Variants in PSMD9 observed in about 807,000 individuals in gnomAD.
The protein encoded by PSMD9 is proteasome 26S subunit, non-ATPase 9, also known as 26S proteasome non-ATPase regulatory subunit 9.
A neutral mutation model predicts 25.9 loss-of-function variants in PSMD9; 26 were observed. The observed-to-expected ratio is 1.00, with a 90% CI of 0.73 to 1.39. The LOEUF is 1.39. PSMD9 is among the 40% of genes most tolerant of loss of function. The pLI, the probability that PSMD9 is intolerant of heterozygous loss-of-function variation, is 0.00. For missense variants in PSMD9, 303 were observed against 299.3 expected (o/e 1.01, Z -0.09); for synonymous variants, 110 against 114.5 (o/e 0.96, Z 0.25).
At chr12:121,909,473 C>T (rs1346956869) in intron 4 of PSMD9, among the ~76,000 whole-genome samples, 2 of 151,848 alleles carry the variant, frequency 1.3e-5, no homozygotes, top group Non-Finnish European at 2.9e-5. Context: ...ACCACCACAC[C>T]TGGCTAATTT....
chr12:121,904,932 ATTT>A (rs1172905609), intron 4 of PSMD9, among the ~76,000 whole-genome samples: 2 of 151,448 alleles, frequency 1.3e-5, no homozygotes, highest in Non-Finnish European at 2.9e-5. Flanking sequence ...CGCCTGGTCT[ATTT>A]TTATTATTTT....
chr12:121,901,714 C>T (rs12827452), intron 3 of PSMD9, among the ~76,000 whole-genome samples: 47,591 of 126,310 alleles, frequency 0.38, 10,013 homozygotes, highest in Middle Eastern at 0.54. Flanking sequence ...CTCGCTCTGT[C>T]GCCCAGGCTG....
At chr12:121,897,371 C>G (rs145406982) in intron 2 of PSMD9, 130 of 152,070 alleles carry the variant, frequency 8.5e-4, no homozygotes, top group African/African-American at 3.0e-3. Flanking sequence ...CTCCCGGGTT[C>G]AAGTGATTCT....
intron 4 of PSMD9, among the ~76,000 whole-genome samples, chr12:121,913,493 CTTTTTTTTTT>C (rs771986462): frequency 7.4e-6 from 1 of 134,840 alleles, no homozygotes; most frequent in African/African-American, 2.7e-5. Flanking sequence ...TTTCTTTTTT[CTTTTTTTTTT>C]TTTTTTAAGA....
chr12:121,894,925 A>T, intron 2 of PSMD9, 84 bp downstream of exon 2: 1 of 1,156,088 alleles, frequency 8.6e-7, no homozygotes, highest in Non-Finnish European at 1.3e-6. Context: ...TATCTGTATT[A>T]TCTACTGCCT....
At chr12:121,891,048 G>A (rs1270792456) in intron 1 of PSMD9, among the ~76,000 whole-genome samples, 2 of 133,858 alleles carry the variant, frequency 1.5e-5, no homozygotes, top group African/African-American at 2.7e-5. Flanking sequence ...GGATGGTCTC[G>A]ATCTCCTGAC....
chr12:121,914,442 C>CA (rs1261367722), intron 4 of PSMD9: 1 of 152,108 alleles, frequency 6.6e-6, no homozygotes, highest in Non-Finnish European at 1.5e-5. Flanking sequence ...CCCAGTTGCT[C>CA]AGGAGGCTGA....
At chr12:121,910,685 G>A (rs189129030) in intron 4 of PSMD9, among the ~76,000 whole-genome samples, 6 of 151,588 alleles carry the variant, frequency 4.0e-5, no homozygotes, top group Admixed American at 2.0e-4. Flanking sequence ...GCCTGAACCC[G>A]GGAGGCAGAG....
intron 1 of PSMD9, among the ~76,000 whole-genome samples, chr12:121,892,981 T>G (rs1402371581): frequency 6.6e-6 from 1 of 152,194 alleles, no homozygotes; most frequent in Non-Finnish European, 1.5e-5. Flanking sequence ...GTACTAGAGA[T>G]AGCAAGTAAC....
At chr12:121,895,783 A>G (rs1236333867) in intron 2 of PSMD9, among the ~76,000 whole-genome samples, 1 of 152,190 alleles carries the variant, frequency 6.6e-6, no homozygotes, top group Non-Finnish European at 1.5e-5. Flanking sequence ...CCGAATCTTA[A>G]GGTCCTTAAT....
intron 4 of PSMD9, among the ~76,000 whole-genome samples, chr12:121,903,858 G>T (rs781691876): frequency 3.3e-5 from 5 of 151,214 alleles, no homozygotes; most frequent in African/African-American, 1.2e-4. Context: ...ATATTTTGTG[G>T]AGGCGGGGTC....
At chr12:121,890,826 A>C (rs1353495017) in intron 1 of PSMD9, among the ~76,000 whole-genome samples, 1 of 152,060 alleles carries the variant, frequency 6.6e-6, no homozygotes, top group African/African-American at 2.4e-5. Flanking sequence ...GGAAAATGAT[A>C]ATCTCTTCTC....
At chr12:121,902,607 A>G (rs1296056619) in intron 3 of PSMD9, 5 of 186,754 alleles carry the variant, frequency 2.7e-5, no homozygotes, top group Non-Finnish European at 5.7e-5. Flanking sequence ...TTCTAGGGCA[A>G]GTGTCTTGTC....
At chr12:121,913,709 G>A (rs556007787) in intron 4 of PSMD9, among the ~76,000 whole-genome samples, 2 of 151,556 alleles carry the variant, frequency 1.3e-5, no homozygotes, top group East Asian at 3.9e-4. Flanking sequence ...TTTGTTGCCG[G>A]GCTGGTCTTG....
At chr12:121,910,066 A>G (rs1879674144) in intron 4 of PSMD9, among the ~76,000 whole-genome samples, 2 of 148,114 alleles carry the variant, frequency 1.4e-5, no homozygotes, top group Admixed American at 6.8e-5. Context: ...ATTCTTTGAC[A>G]ATCTGGTAGG....
At position 121,916,517 on chromosome 12, in the gene PSMD9, A is replaced by G. The variant is rs1297309674; in HGVS notation, c.*206A>G. ...TAAAAACTTAGGCTTGGCCTCTTTC[A>G]CAAATTAGGCCACGGCCCTAAATAG... On this transcript the variant is annotated 3_prime_UTR_variant, in exon 6 of 6. Transcript: ENST00000541212. 4.0e-5 allele frequency: 25 copies of G among 625,906 alleles called. No homozygotes were observed. The East Asian group carries it at 6.4e-4, about 16-fold the overall frequency. The allele number at this position is 625,906 out of a possible 1,614,324, so 38.8% of individuals were successfully genotyped here. A position where few individuals can be genotyped will look rare whatever the true frequency, so the allele number is the denominator to read the frequency against.
chr12:121,892,741 A>G (rs1432903048), intron 1 of PSMD9, among the ~76,000 whole-genome samples: 1 of 151,966 alleles, frequency 6.6e-6, no homozygotes, highest in African/African-American at 2.4e-5. Context: ...GCCAGGTGTG[A>G]TGACATGTGC....
intron 4 of PSMD9, among the ~76,000 whole-genome samples, chr12:121,903,659 C>G (rs1185094765): frequency 6.6e-6 from 1 of 151,856 alleles, no homozygotes; most frequent in Non-Finnish European, 1.5e-5. Flanking sequence ...GTGACATGCT[C>G]GCAGGGGGCC....
At chr12:121,902,794 G>C (rs1879438093) in intron 3 of PSMD9, 1 of 504,136 alleles carries the variant, frequency 2.0e-6, no homozygotes, top group Middle Eastern at 5.7e-4. Flanking sequence ...CTTTACTAGA[G>C]CTGCCCTCAA....
Sources: gnomAD v4.1 joint callset for allele counts (sites outside exome capture counted in the v4.1 genomes callset) on GRCh38, gnomAD v4.1.1 for gene constraint, MANE v1.5 for transcripts, NCBI Gene and HGNC (gene_info 2026-07-23, HGNC 2026-07-21) for gene names.